The following KSR2 variants were observed in gnomAD, a reference collection of about 807,000 sequenced individuals.
KSR2 encodes the protein kinase suppressor of ras 2.
KSR2 carries 25 observed loss-of-function variants against 107.8 expected under a neutral mutation model. The ratio of observed to expected loss-of-function variants is 0.23; its 90% confidence interval spans 0.17 to 0.32. The LOEUF (loss-of-function observed/expected upper bound fraction) is 0.32. KSR2 is among the 10% of genes least tolerant of loss of function. The pLI is 1.00. For missense variants in KSR2, 887 were observed against 1,268.9 expected, an observed-to-expected ratio of 0.70 and a Z score of 4.57; for synonymous variants, 480 against 507.0, an observed-to-expected ratio of 0.95 and a Z score of 0.71.
At chr12:117,747,835 C>T (rs1167754289) in intron 4 of KSR2, among the ~76,000 whole-genome samples, 1 of 151,916 alleles carries the variant, frequency 6.6e-6, no homozygotes, top group Non-Finnish European at 1.5e-5. Flanking sequence ...GAAAAGGAAC[C>T]CTTGTACACT....
chr12:117,795,152 G>A (rs1052109984), intron 3 of KSR2, among the ~76,000 whole-genome samples: 6 of 152,136 alleles, frequency 3.9e-5, no homozygotes, highest in African/African-American at 1.2e-4. Context: ...CATTCTTCCA[G>A]CCTCTGGAAA....
chr12:117,546,710 A>G (rs978620265), intron 9 of KSR2, among the ~76,000 whole-genome samples: 37 of 152,114 alleles, frequency 2.4e-4, no homozygotes, highest in Non-Finnish European at 4.3e-4. Context: ...TCTATCTTCA[A>G]GTTCACAAAT....
intron 5 of KSR2, among the ~76,000 whole-genome samples, chr12:117,636,304 A>G (rs1250633591): frequency 6.6e-6 from 1 of 151,276 alleles, no homozygotes; most frequent in Admixed American, 6.6e-5. Context: ...AAAAATAGTT[A>G]AAAAATAAAA....
At chr12:117,635,817 A>C (rs1031553203) in intron 5 of KSR2, among the ~76,000 whole-genome samples, 2 of 149,942 alleles carry the variant, frequency 1.3e-5, no homozygotes, top group African/African-American at 2.5e-5. Context: ...TTTGAGACAG[A>C]GTCTTGCTCT....
At chr12:117,934,827 T>A (rs1688620460) in intron 1 of KSR2, among the ~76,000 whole-genome samples, 1 of 152,150 alleles carries the variant, frequency 6.6e-6, no homozygotes, top group South Asian at 2.1e-4. Context: ...ATTTATATTT[T>A]AAATTTTTTT....
At chr12:117,629,176 C>T (rs1882687252) in intron 5 of KSR2, among the ~76,000 whole-genome samples, 1 of 152,246 alleles carries the variant, frequency 6.6e-6, no homozygotes, top group Non-Finnish European at 1.5e-5. Context: ...TGATGACCCG[C>T]ACTGCTTTGG....
At chr12:117,817,776 C>T (rs1305733145) in intron 3 of KSR2, among the ~76,000 whole-genome samples, 1 of 152,208 alleles carries the variant, frequency 6.6e-6, no homozygotes, top group Admixed American at 6.5e-5. Flanking sequence ...CCCACAGGGG[C>T]TGGGATCTCC....
rs530998261 is a variant in KSR2 at position 117,581,547 on chromosome 12, G to A, written c.1241+743C>T. ...TATCGCTTAATCTTCCAGGGCCTCAGTCTGCCTATCTGTCCAATGGCCATG... is the reference window on the plus strand; with the variant it reads ...TATCGCTTAATCTTCCAGGGCCTCAATCTGCCTATCTGTCCAATGGCCATG... On this transcript the variant is annotated intron_variant, in intron 6 of 19. Coordinates refer to ENST00000339824, the MANE Select transcript of KSR2 (RefSeq NM_173598.6). 9.2e-5 allele frequency among the ~76,000 whole-genome samples: 14 copies of A among 152,304 alleles called. No homozygotes were observed. The East Asian group carries it at 2.7e-3, about 29-fold the overall frequency.
At chr12:117,521,215 G>T (rs1168886739) in intron 14 of KSR2, among the ~76,000 whole-genome samples, 1 of 152,148 alleles carries the variant, frequency 6.6e-6, no homozygotes, top group Non-Finnish European at 1.5e-5. Context: ...GGTGCAGGAA[G>T]GTCCAGGTAC....
intron 11 of KSR2, 55 bp downstream of exon 11, chr12:117,531,611 G>A (rs1875638300): frequency 6.6e-7 from 1 of 1,508,872 alleles, no homozygotes; most frequent in African/African-American, 1.4e-5. Context: ...AGAAACTCCT[G>A]CAATGCAGCG....
Position 117,781,192 on chromosome 12 carries a change from C to G in KSR2, c.473-19668G>C, listed in dbSNP as rs537736653. On this transcript the variant is annotated intron_variant, in intron 3 of 19. Coordinates refer to ENST00000339824, the MANE Select transcript of KSR2 (RefSeq NM_173598.6). Reference sequence around the variant, plus strand: ...CATGTAAAAAGTCCCTTTGCTTTTCCTTCGTCTTCCGCCATGATCGTGAGG... The same window carrying G: ...CATGTAAAAAGTCCCTTTGCTTTTCGTTCGTCTTCCGCCATGATCGTGAGG... Among the ~76,000 whole-genome samples, 21 of 152,312 alleles carry G rather than the reference C, an allele frequency of 1.4e-4. No homozygotes were observed. In the South Asian group the frequency reaches 4.1e-3, roughly 30 times the overall value.
chr12:117,554,457 A>C (rs1463866010), intron 9 of KSR2, among the ~76,000 whole-genome samples: 2 of 152,118 alleles, frequency 1.3e-5, no homozygotes, highest in Admixed American at 6.5e-5. Flanking sequence ...CCATCTGCAA[A>C]GTTGGTCCTG....
chr12:117,789,475 G>T (rs1207460231), intron 3 of KSR2, among the ~76,000 whole-genome samples: 2 of 152,172 alleles, frequency 1.3e-5, no homozygotes, highest in East Asian at 1.9e-4. Context: ...AAACTTACTA[G>T]GCAGCTACCA....
At chr12:117,835,743 T>A (rs564489875) in intron 3 of KSR2, among the ~76,000 whole-genome samples, 9 of 151,890 alleles carry the variant, frequency 5.9e-5, no homozygotes, top group Non-Finnish European at 4.4e-5. Context: ...CTGTTAAACA[T>A]CTTCCAAGGC....
intron 3 of KSR2, among the ~76,000 whole-genome samples, chr12:117,822,774 G>A (rs1326365934): frequency 6.6e-6 from 1 of 152,106 alleles, no homozygotes; most frequent in African/African-American, 2.4e-5. Flanking sequence ...TGCTAGCCCG[G>A]GAAAAGATCA....
chr12:117,548,559 A>G lies in KSR2; in HGVS notation c.1518+6610T>C, dbSNP rs114963670. Among the ~76,000 whole-genome samples the G allele has an allele frequency of 3.6e-3, 541 of 152,306 alleles. 2 individuals are homozygous for G. Among genetic ancestry groups the G allele is most frequent in the African/African-American group, 0.012 (519 of 41,564 alleles). ...TGTGTTATTGGTAAGGCTTCTGATC[A>G]ACAGTGGGCTATTAGTAGTTAAGTT... is the stretch of plus-strand genomic sequence containing the variant. On this transcript the variant is annotated intron_variant, in intron 9 of 19. Transcript: ENST00000339824.
chr12:117,691,987 A>G (rs1334224120), intron 4 of KSR2, among the ~76,000 whole-genome samples: 1 of 152,212 alleles, frequency 6.6e-6, no homozygotes, highest in Non-Finnish European at 1.5e-5. Context: ...CATTCCATCC[A>G]GACCTGGCTG....
At chr12:117,751,827 T>C (rs1252292334) in intron 4 of KSR2, among the ~76,000 whole-genome samples, 2 of 152,182 alleles carry the variant, frequency 1.3e-5, no homozygotes, top group Non-Finnish European at 2.9e-5. Flanking sequence ...TAAGTCAGTA[T>C]GGTGCTGAGC....
Position 117,896,688 on chromosome 12 carries a change from G to T in KSR2, c.181-36257C>A, listed in dbSNP as rs140570328. 8.0e-3 allele frequency among the ~76,000 whole-genome samples: 1,211 copies of T among 152,226 alleles called. 18 individuals carry two copies. The highest frequency in any genetic ancestry group is 0.028 in the African/African-American group (1,164 of 41,534). On this transcript the variant is annotated intron_variant, in intron 1 of 19. Transcript: ENST00000339824. ...TTGGCCAGGCTGCGCTCGAACTCCT[G>T]ACCTCAGGTGATCCCTCTGCCTCGG...
Sources: gnomAD v4.1 joint callset for allele counts (sites outside exome capture counted in the v4.1 genomes callset) on GRCh38, gnomAD v4.1.1 for gene constraint, MANE v1.5 for transcripts, NCBI Gene and HGNC (gene_info 2026-07-23, HGNC 2026-07-21) for gene names.